The following FBLN7 variants were observed in gnomAD, a reference collection of about 807,000 sequenced individuals.
The protein encoded by FBLN7 is fibulin 7, also known as fibulin-7.
In FBLN7, 31 loss-of-function variants were observed where a neutral mutation model predicts 44.0. The ratio of observed to expected loss-of-function variants is 0.70; its 90% CI spans 0.53 to 0.95. The LOEUF is 0.95. Ranked by LOEUF, FBLN7 falls within the 40% of genes least tolerant of loss-of-function variation. The probability of loss-of-function intolerance (pLI) is 0.00; values close to 1 mark genes in which losing one functional copy is unlikely to be tolerated. For missense variants in FBLN7, 573 were observed against 618.5 expected, an observed-to-expected ratio of 0.93 and a Z score of 0.78; for synonymous variants, 262 against 253.4, an observed-to-expected ratio of 1.03 and a Z score of -0.32.
the FBLN7 span, among the ~76,000 whole-genome samples, chr2:112,237,324 T>C: frequency 2.0e-5 from 3 of 152,358 alleles, no homozygotes; most frequent in African/African-American, 7.2e-5. Context: ...CAGAGTATGA[T>C]GGATCTAATT....
chr2:112,195,063 G>A, the FBLN7 span, among the ~76,000 whole-genome samples: 1 of 152,180 alleles, frequency 6.6e-6, no homozygotes, highest in Admixed American at 6.5e-5. Context: ...TCTTATTAGA[G>A]GAAGTCTAAT....
chr2:112,160,658 G>GCAGA (rs111608133), intron 2 of FBLN7, among the ~76,000 whole-genome samples: 51 of 137,854 alleles, frequency 3.7e-4, no homozygotes, highest in African/African-American at 1.4e-3. Context: ...GCACGCACAC[G>GCAGA]CGCACGCACA....
chr2:112,150,652 C>G (rs553904430), intron 1 of FBLN7, among the ~76,000 whole-genome samples: 1 of 152,158 alleles, frequency 6.6e-6, no homozygotes, highest in Non-Finnish European at 1.5e-5. Flanking sequence ...GATCTTGGCT[C>G]GGATCCTTCC....
chr2:112,150,212 A>G (rs574220362), intron 1 of FBLN7, among the ~76,000 whole-genome samples: 1 of 152,122 alleles, frequency 6.6e-6, no homozygotes, highest in Non-Finnish European at 1.5e-5. Flanking sequence ...TGCTCACCCC[A>G]TCTCTGAAGG....
chr2:112,170,527 G>T (rs545751017), intron 3 of FBLN7, among the ~76,000 whole-genome samples: 2 of 133,978 alleles, frequency 1.5e-5, no homozygotes, highest in Non-Finnish European at 3.1e-5. Flanking sequence ...ACCCTGTCTC[G>T]AAAGTGAAAA....
chr2:112,235,838 T>TA, the FBLN7 span, among the ~76,000 whole-genome samples: 1 of 150,780 alleles, frequency 6.6e-6, no homozygotes, highest in Non-Finnish European at 1.5e-5. Flanking sequence ...ACTTTAGTAG[T>TA]AAAAAATTTG....
the FBLN7 span, among the ~76,000 whole-genome samples, chr2:112,208,819 CAA>C: frequency 6.6e-6 from 1 of 152,170 alleles, no homozygotes; most frequent in Admixed American, 6.5e-5. Flanking sequence ...GTGACAACTT[CAA>C]GTTCCTCTGA....
At chr2:112,143,874 C>T (rs961424607) in intron 1 of FBLN7, among the ~76,000 whole-genome samples, 4 of 152,144 alleles carry the variant, frequency 2.6e-5, no homozygotes, top group African/African-American at 9.7e-5. Context: ...TGAGTCACTG[C>T]ACCCGGCCTC....
At chr2:112,160,758 ACGCACG>A (rs1681776391) in intron 2 of FBLN7, among the ~76,000 whole-genome samples, 1 of 53,086 alleles carries the variant, frequency 1.9e-5, no homozygotes, top group Non-Finnish European at 4.2e-5. Context: ...GCACGCACAC[ACGCACG>A]CACACGCAGA....
At chr2:112,228,005 C>G in the FBLN7 span, among the ~76,000 whole-genome samples, 2 of 152,172 alleles carry the variant, frequency 1.3e-5, no homozygotes, top group African/African-American at 4.8e-5. Context: ...AAAAGTAGAA[C>G]AAAGCTAGAC....
rs1350439636 is a variant in FBLN7 at position 112,187,706 on chromosome 2, T to TC, written c.*201dup. On this transcript the variant is annotated 3_prime_UTR_variant, in exon 8 of 8. Transcript: ENST00000331203. The surrounding 1 kb of genome is among the most constrained non-coding windows in gnomAD (Gnocchi z 5.1). ...CACAAAACTCAACTGCTGCCATCAC[T>TC]CTTTTTTTTTTTCTGCTTTGAGGCC... 9.5e-6 allele frequency: 6 copies of TC among 629,844 alleles called. No individual in the cohort carries two copies. The African/African-American group carries it at 1.1e-4, about 12-fold the overall frequency. The allele number at this position is 629,844 out of a possible 1,614,324, so 39.0% of individuals were successfully genotyped here.
the FBLN7 span, among the ~76,000 whole-genome samples, chr2:112,230,060 G>A: frequency 3.9e-5 from 6 of 151,956 alleles, no homozygotes; most frequent in South Asian, 2.1e-4. Flanking sequence ...AGGACAATCA[G>A]ACCAATAAAA....
At position 112,159,668 on chromosome 2, in the gene FBLN7, C is replaced by A. The variant is rs1345625473; in HGVS notation, c.76-8C>A. 1 of 1,518,082 alleles carries A rather than the reference C, an allele frequency of 6.6e-7. No individual in the cohort carries two copies. Among genetic ancestry groups the A allele is most frequent in the Admixed American group, 2.1e-5 (1 of 48,080 alleles). The allele number at this position is 1,518,082 out of a possible 1,614,324, so 94.0% of individuals were successfully genotyped here. ...ATGGGTGGTGGCGGCGATGTCTTCT[C>A]TCCGCAGAACTGTCTCAGCAAACAG... is the stretch of plus-strand genomic sequence containing the variant. On this transcript the variant is annotated splice_region_variant and splice_polypyrimidine_tract_variant and intron_variant, in intron 1 of 7. Transcript: ENST00000331203.
chr2:112,196,336 C>T, the FBLN7 span, among the ~76,000 whole-genome samples: 3 of 150,792 alleles, frequency 2.0e-5, no homozygotes. Context: ...TGTGCACCTG[C>T]CTTACCCTTC....
chr2:112,155,671 G>A (rs1287177791), intron 1 of FBLN7, among the ~76,000 whole-genome samples: 1 of 152,204 alleles, frequency 6.6e-6, no homozygotes, highest in Non-Finnish European at 1.5e-5. Context: ...GGCAAGCTGG[G>A]CACATCTCAC....
chr2:112,210,029 A>T, the FBLN7 span, among the ~76,000 whole-genome samples: 1 of 151,276 alleles, frequency 6.6e-6, no homozygotes, highest in Non-Finnish European at 1.5e-5. Flanking sequence ...GAGCCTGGGG[A>T]GGGTGAGGAG....
intron 1 of FBLN7, among the ~76,000 whole-genome samples, chr2:112,140,757 A>G (rs768537886): frequency 1.2e-4 from 18 of 152,188 alleles, no homozygotes; most frequent in Non-Finnish European, 2.1e-4. Flanking sequence ...GGACTTTCTC[A>G]GCAGTTTGTG....
chr2:112,220,044 T>A, the FBLN7 span, among the ~76,000 whole-genome samples: 2 of 152,240 alleles, frequency 1.3e-5, no homozygotes, highest in Non-Finnish European at 2.9e-5. Context: ...AAGGGCGTCA[T>A]TGCATGTGAG....
In FBLN7 at chr2:112,187,765, CTT is replaced by C; in HGVS notation, c.*263_*264del. The C allele has an allele frequency of 1.9e-6, 1 of 518,188 alleles. No individual in the cohort carries two copies. Among genetic ancestry groups the C allele is most frequent in the Non-Finnish European group, 3.4e-6 (1 of 297,992 alleles). The allele number at this position is 518,188 out of a possible 1,614,324, so 32.1% of individuals were successfully genotyped here. On this transcript the variant is annotated 3_prime_UTR_variant, in exon 8 of 8. Transcript: ENST00000331203. This position sits in a 1 kb window ranked among gnomAD's most constrained non-coding sequence, Gnocchi z 5.1. ...AGATTATGCACTAACTTTCTTAAAA[CTT>C]TTTCATCCAGGGGATGGGTGGCTTT...
Sources: gnomAD v4.1 joint callset for allele counts (sites outside exome capture counted in the v4.1 genomes callset) on GRCh38, gnomAD v4.1.1 for gene constraint, Gnocchi (gnomAD v3.1) non-coding constraint, MANE v1.5 for transcripts, NCBI Gene and HGNC (gene_info 2026-07-23, HGNC 2026-07-21) for gene names.